NALF1: variants seen among roughly 807,000 people sequenced by gnomAD.
NALF1 encodes family with sequence similarity 155 member A.
NALF1 carries 3 observed loss-of-function variants against 48.4 expected under a neutral mutation model. The observed-to-expected ratio is 0.06, with a 90% CI of 0.03 to 0.16. The LOEUF is 0.16. Ranked by LOEUF, NALF1 falls within the 10% of genes least tolerant of loss-of-function variation. The probability of loss-of-function intolerance (pLI) is 1.00; values close to 1 mark genes in which losing one functional copy is unlikely to be tolerated. For missense variants in NALF1, 526 were observed against 571.5 expected (o/e 0.92, Z 0.81); for synonymous variants, 262 against 245.7 (o/e 1.07, Z -0.62).
intron 1 of NALF1, among the ~76,000 whole-genome samples, chr13:107,780,206 C>T (rs1185392394): frequency 6.6e-6 from 1 of 152,086 alleles, no homozygotes; most frequent in Non-Finnish European, 1.5e-5. Context: ...TCTTCCCTTA[C>T]ACTTATATGT....
chr13:107,495,880 CT>C (rs1875318465), intron 1 of NALF1, among the ~76,000 whole-genome samples: 2 of 152,112 alleles, frequency 1.3e-5, no homozygotes, highest in South Asian at 4.2e-4. Flanking sequence ...AACCAGAAAC[CT>C]ACATGCTGCT....
intron 1 of NALF1, among the ~76,000 whole-genome samples, chr13:107,394,887 T>C (rs1883686228): frequency 2.0e-5 from 3 of 152,004 alleles, no homozygotes; most frequent in Admixed American, 2.0e-4. Flanking sequence ...AACAAAACAG[T>C]CTCTACCATT....
intron 1 of NALF1, among the ~76,000 whole-genome samples, chr13:107,353,154 G>A (rs1012116639): frequency 9.9e-5 from 15 of 151,972 alleles, no homozygotes; most frequent in Admixed American, 5.9e-4. Context: ...ACTTCCCTAC[G>A]GAAAAGGGTA....
intron 1 of NALF1, among the ~76,000 whole-genome samples, chr13:107,772,311 T>C (rs1877603654): frequency 6.6e-6 from 1 of 152,156 alleles, no homozygotes; most frequent in Non-Finnish European, 1.5e-5. Context: ...GAACCTTCTC[T>C]TGGGGTCTGG....
intron 1 of NALF1, among the ~76,000 whole-genome samples, chr13:107,575,461 G>C (rs933361067): frequency 2.6e-5 from 4 of 152,228 alleles, no homozygotes; most frequent in African/African-American, 9.6e-5. Flanking sequence ...TTAGCAGAGA[G>C]TCCCTGACCT....
At chr13:107,511,585 C>T (rs1045340214) in intron 1 of NALF1, among the ~76,000 whole-genome samples, 1 of 152,226 alleles carries the variant, frequency 6.6e-6, no homozygotes, top group South Asian at 2.1e-4. Context: ...AATTAACATG[C>T]TTTCTCATAA....
chr13:107,532,845 C>T (rs992680371), intron 1 of NALF1, among the ~76,000 whole-genome samples: 8 of 151,746 alleles, frequency 5.3e-5, no homozygotes, highest in African/African-American at 1.5e-4. Context: ...TAGTTTCTAA[C>T]GTAATATTGC....
At chr13:107,855,989 C>A (rs571665435) in intron 1 of NALF1, among the ~76,000 whole-genome samples, 1 of 141,392 alleles carries the variant, frequency 7.1e-6, no homozygotes, top group East Asian at 2.1e-4. Context: ...CTCATTGGAG[C>A]CTCAAACTCA....
intron 1 of NALF1, among the ~76,000 whole-genome samples, chr13:107,278,818 A>T (rs1273415464): frequency 2.0e-5 from 3 of 152,188 alleles, no homozygotes; most frequent in Non-Finnish European, 4.4e-5. Flanking sequence ...TTTTAAAAAT[A>T]TTTTAAATAT....
chr13:107,763,580 G>A (rs1485600580), intron 1 of NALF1, among the ~76,000 whole-genome samples: 2 of 151,732 alleles, frequency 1.3e-5, no homozygotes, highest in Non-Finnish European at 2.9e-5. Context: ...TGAAGCTTTG[G>A]GGCCTGCTTT....
intron 1 of NALF1, among the ~76,000 whole-genome samples, chr13:107,244,472 T>G (rs907955708): frequency 5.3e-5 from 8 of 152,256 alleles, no homozygotes; most frequent in Admixed American, 5.2e-4. Context: ...ATATGACCTT[T>G]ATTCTTAAGA....
At chr13:107,762,339 C>T (rs2138562428) in intron 1 of NALF1, among the ~76,000 whole-genome samples, 1 of 152,082 alleles carries the variant, frequency 6.6e-6, no homozygotes, top group Middle Eastern at 3.4e-3. Flanking sequence ...TCTAGGAACG[C>T]CTTTTAAGTC....
chr13:107,455,374 A>T (rs1884807430), intron 1 of NALF1, among the ~76,000 whole-genome samples: 1 of 152,134 alleles, frequency 6.6e-6, no homozygotes, highest in South Asian at 2.1e-4. Flanking sequence ...TTAAAAAAAA[A>T]TAGTTTCAGA....
At chr13:107,218,591 C>A (rs539929858) in intron 1 of NALF1, among the ~76,000 whole-genome samples, 1 of 150,930 alleles carries the variant, frequency 6.6e-6, no homozygotes, top group African/African-American at 2.4e-5. Flanking sequence ...ACCCAGTGGC[C>A]GTTATTGAAG....
intron 1 of NALF1, among the ~76,000 whole-genome samples, chr13:107,455,045 C>T (rs1417641074): frequency 6.6e-6 from 1 of 152,156 alleles, no homozygotes; most frequent in Admixed American, 6.5e-5. Context: ...GGGGCAATTT[C>T]CTCCATGCTG....
intron 1 of NALF1, among the ~76,000 whole-genome samples, chr13:107,546,825 C>A (rs1273050340): frequency 6.6e-6 from 1 of 152,128 alleles, no homozygotes; most frequent in African/African-American, 2.4e-5. Context: ...GCACTTCCTG[C>A]AGCACTCAGT....
At chr13:107,752,944 T>C (rs533915092) in intron 1 of NALF1, among the ~76,000 whole-genome samples, 1 of 152,352 alleles carries the variant, frequency 6.6e-6, no homozygotes, top group East Asian at 1.9e-4. Flanking sequence ...ATTAGTACCA[T>C]GCGAAAATTC....
intron 1 of NALF1, among the ~76,000 whole-genome samples, chr13:107,397,125 T>G (rs558358225): frequency 6.6e-6 from 1 of 152,278 alleles, no homozygotes; most frequent in East Asian, 1.9e-4. Context: ...CACTGAGCAC[T>G]GAGCCAGCCA....
chr13:107,383,835 G>A (rs577519241), intron 1 of NALF1, among the ~76,000 whole-genome samples: 5 of 152,228 alleles, frequency 3.3e-5, no homozygotes, highest in African/African-American at 7.2e-5. Flanking sequence ...AAGTTAAGAC[G>A]CAACTCTCAA....
Sources: allele counts gnomAD v4.1 joint callset (sites outside exome capture counted in the v4.1 genomes callset), GRCh38; gene constraint gnomAD v4.1.1; transcripts MANE v1.5; gene names NCBI Gene and HGNC (gene_info 2026-07-23, HGNC 2026-07-21).